Variants in SGMS2 observed in about 807,000 individuals in gnomAD.
The protein encoded by SGMS2 is phosphatidylcholine:ceramide cholinephosphotransferase 2.
In SGMS2, 21 loss-of-function variants were observed where a neutral mutation model predicts 43.8. The observed-to-expected ratio is 0.48, with a 90% CI of 0.34 to 0.69. The LOEUF is 0.69. SGMS2 is among the 30% of genes least tolerant of loss of function. SGMS2 has a pLI of 0.01. For synonymous variants in SGMS2, 167 were observed against 160.6 expected (o/e 1.04, Z -0.30); for missense variants, 384 against 443.2 (o/e 0.87, Z 1.20).
intron 1 of SGMS2, among the ~76,000 whole-genome samples, chr4:107,855,857 T>A (rs551806961): frequency 1.3e-5 from 2 of 152,308 alleles, no homozygotes; most frequent in African/African-American, 4.8e-5. Context: ...TTATATAACC[T>A]TTGATTCTTT....
intron 1 of SGMS2, among the ~76,000 whole-genome samples, chr4:107,845,979 A>G (rs781646606): frequency 1.3e-5 from 2 of 152,206 alleles, no homozygotes; most frequent in Non-Finnish European, 2.9e-5. Flanking sequence ...ATTAAGCTGC[A>G]TTTAGAATGC....
At chr4:107,859,308 TAA>T (rs1727599634) in intron 2 of SGMS2, among the ~76,000 whole-genome samples, 1 of 152,164 alleles carries the variant, frequency 6.6e-6, no homozygotes, top group African/African-American at 2.4e-5. Context: ...GGTGTTTGCC[TAA>T]AAAGATTTCT....
chr4:107,870,444 G>A (rs1291887378), intron 2 of SGMS2, among the ~76,000 whole-genome samples: 1 of 152,128 alleles, frequency 6.6e-6, no homozygotes, highest in Non-Finnish European at 1.5e-5. Flanking sequence ...GGAGGTGCGT[G>A]AGTGGAAGGA....
At chr4:107,880,872 GAA>G (rs1486014745) in intron 2 of SGMS2, among the ~76,000 whole-genome samples, 2 of 147,986 alleles carry the variant, frequency 1.4e-5, no homozygotes, top group Non-Finnish European at 3.0e-5. Flanking sequence ...AAAAAAGAAA[GAA>G]AAAGAAAAAA....
At chr4:107,866,813 T>A (rs981153965) in intron 2 of SGMS2, 2 of 152,156 alleles carry the variant, frequency 1.3e-5, no homozygotes, top group African/African-American at 4.8e-5. Context: ...TTTTATATGA[T>A]GATATATTTT....
rs897518009 is a variant in SGMS2, at chr4:107,910,808, G to A, written c.*255G>A. The A allele has an allele frequency of 2.6e-6, 1 of 385,126 alleles. No individual in the cohort carries two copies. The highest frequency in any genetic ancestry group is 2.1e-5 in the African/African-American group (1 of 48,548). The allele number at this position is 385,126 out of a possible 1,614,324, so 23.9% of individuals were successfully genotyped here. The stretch of plus-strand genomic sequence containing the variant: ...ACCCCGGGACTTTACTAATGAGCTT[G>A]TTAAAGAGGTGCCAAAGAACATATT... On this transcript the variant is annotated 3_prime_UTR_variant, in exon 7 of 7. Coordinates refer to ENST00000690982, the MANE Select transcript of SGMS2 (RefSeq NM_001375905.1).
At chr4:107,865,920 T>C (rs539777985) in intron 2 of SGMS2, among the ~76,000 whole-genome samples, 1 of 152,286 alleles carries the variant, frequency 6.6e-6, no homozygotes, top group South Asian at 2.1e-4. Context: ...GACTGTGTGA[T>C]TGCCACAAGA....
rs538788545 is a variant in SGMS2 at position 107,871,607 on chromosome 4, T to A, written c.-245+13054T>A. On this transcript the variant is annotated intron_variant, in intron 2 of 6. Transcript: ENST00000690982. ...AATAATTCTGTCTTTGTTGGCTGTC[T>A]GTTTACTTTACCTTCTAGGCTATCA... Among the ~76,000 whole-genome samples the A allele has an allele frequency of 6.6e-5, 10 of 152,294 alleles. No individual in the cohort carries two copies. In the East Asian group the frequency reaches 1.9e-3, roughly 29 times the overall value.
chr4:107,851,696 C>G (rs1727155860), intron 1 of SGMS2, among the ~76,000 whole-genome samples: 1 of 152,136 alleles, frequency 6.6e-6, no homozygotes, highest in Non-Finnish European at 1.5e-5. Flanking sequence ...TATAATAACC[C>G]CCTCCCAAAT....
Position 107,911,455 on chromosome 4 carries a change from T to C in SGMS2, c.*902T>C, listed in dbSNP as rs1261771401. 2 of 152,224 alleles carry C rather than the reference T, an allele frequency of 1.3e-5. No homozygotes were observed. Among genetic ancestry groups the C allele is most frequent in the African/African-American group, 4.8e-5 (2 of 41,466 alleles). 9.4% of individuals were successfully genotyped at this position (152,224 alleles called of 1,614,324 possible). A position where few individuals can be genotyped will look rare whatever the true frequency, so the allele number is the denominator to read the frequency against. The stretch of plus-strand genomic sequence containing the variant: ...CACACCACTTGGGGAATGAGCCTGT[T>C]TTCTTTCCAGGTCAGGCCCTGGTGT... On this transcript the variant is annotated 3_prime_UTR_variant, in exon 7 of 7. Transcript: ENST00000690982.
At chr4:107,883,514 C>CCATGTTGGCCAGGCTGGTCTCAAACTA (rs1252522214) in intron 2 of SGMS2, among the ~76,000 whole-genome samples, 1 of 152,096 alleles carries the variant, frequency 6.6e-6, no homozygotes, top group Non-Finnish European at 1.5e-5. Flanking sequence ...TAGGGTTTTG[C>CCATGTTGGCCAGGCTGGTCTCAAACTA]CATGTTGGCC....
At chr4:107,908,430 G>A in intron 5 of SGMS2, 135 bp from the exon 6 acceptor site, 2 of 876,952 alleles carry the variant, frequency 2.3e-6, no homozygotes, top group South Asian at 3.3e-5. Context: ...TAGTGACTCA[G>A]TTTAGGTTAT....
At chr4:107,843,826 G>A (rs1460229934) in intron 1 of SGMS2, among the ~76,000 whole-genome samples, 1 of 152,132 alleles carries the variant, frequency 6.6e-6, no homozygotes, top group East Asian at 1.9e-4. Flanking sequence ...AGTTTCAAAA[G>A]TTTGTTTGAA....
chr4:107,826,790 C>T (rs572046925), intron 1 of SGMS2, among the ~76,000 whole-genome samples: 7 of 152,292 alleles, frequency 4.6e-5, no homozygotes, highest in South Asian at 4.1e-4. Context: ...TTTCTCCCCT[C>T]GCAGAATCTC....
intron 1 of SGMS2, among the ~76,000 whole-genome samples, chr4:107,847,435 G>A (rs555007490): frequency 0.022 from 3,346 of 150,318 alleles, 65 homozygotes; most frequent in Middle Eastern, 0.075. Context: ...GATATGCGGC[G>A]TTATTTCTGA....
intron 1 of SGMS2, among the ~76,000 whole-genome samples, chr4:107,844,713 A>T (rs1321746073): frequency 6.6e-6 from 1 of 152,178 alleles, no homozygotes; most frequent in Non-Finnish European, 1.5e-5. Context: ...CTCCAAAAAA[A>T]TGTGTCTATT....
At chr4:107,878,755 C>A (rs1224296408) in intron 2 of SGMS2, among the ~76,000 whole-genome samples, 1 of 152,178 alleles carries the variant, frequency 6.6e-6, no homozygotes, top group Non-Finnish European at 1.5e-5. Flanking sequence ...TGCAATTTCT[C>A]TCTTTCCAAA....
chr4:107,890,311 G>A (rs1031414159), intron 2 of SGMS2, among the ~76,000 whole-genome samples: 51 of 152,094 alleles, frequency 3.4e-4, no homozygotes, highest in Non-Finnish European at 2.9e-5. Context: ...GCAGCAGAGG[G>A]TGAAAGAGAA....
intron 5 of SGMS2, chr4:107,908,258 C>T (rs1281866061): frequency 8.8e-6 from 2 of 227,732 alleles, no homozygotes; most frequent in Non-Finnish European, 1.7e-5. Flanking sequence ...TTCCAGCAAA[C>T]CTAATAAGAA....
Sources: allele counts gnomAD v4.1 joint callset (sites outside exome capture counted in the v4.1 genomes callset), GRCh38; gene constraint gnomAD v4.1.1; transcripts MANE v1.5; gene names NCBI Gene and HGNC (gene_info 2026-07-23, HGNC 2026-07-21).